The following CACNA1A variants were observed in gnomAD, a reference collection of about 807,000 sequenced individuals.
CACNA1A encodes calcium voltage-gated channel subunit alpha1 A.
Under a neutral mutation model 262.4 loss-of-function variants are expected in CACNA1A, and 57 were observed. That is an observed-to-expected ratio of 0.22 (90% CI 0.18 to 0.27). The LOEUF is 0.27. Ranked by LOEUF, CACNA1A falls within the 10% of genes least tolerant of loss-of-function variation. The probability of loss-of-function intolerance (pLI) is 1.00; values close to 1 mark genes in which losing one functional copy is unlikely to be tolerated. For missense variants in CACNA1A, 2,526 were observed against 3,562.8 expected (o/e 0.71, Z 7.41); for synonymous variants, 1,431 against 1,419.3 (o/e 1.01, Z -0.18).
intron 7 of CACNA1A, among the ~76,000 whole-genome samples, chr19:13,334,783 C>T (rs539405356): frequency 5.9e-5 from 9 of 152,036 alleles, no homozygotes; most frequent in Admixed American, 1.3e-4. Flanking sequence ...GTCTGTAATC[C>T]CAGCACTTTG....
chr19:13,447,511 T>C (rs2060837872), intron 3 of CACNA1A, among the ~76,000 whole-genome samples: 1 of 152,170 alleles, frequency 6.6e-6, no homozygotes, highest in African/African-American at 2.4e-5. Context: ...ACTAACAGGA[T>C]AGATGTATAT....
chr19:13,457,613 G>T (rs2061037492), intron 1 of CACNA1A, among the ~76,000 whole-genome samples: 1 of 152,200 alleles, frequency 6.6e-6, no homozygotes, highest in South Asian at 2.1e-4. Context: ...CACTTTGGAA[G>T]GCCGAGGCAG....
At chr19:13,310,867 T>G (rs1005896547) in intron 12 of CACNA1A, among the ~76,000 whole-genome samples, 4 of 151,926 alleles carry the variant, frequency 2.6e-5, no homozygotes, top group Non-Finnish European at 5.9e-5. Context: ...CTCAGCTTAC[T>G]GCAACCTCTG....
intron 1 of CACNA1A, among the ~76,000 whole-genome samples, chr19:13,467,784 T>C (rs1295366239): frequency 2.0e-5 from 3 of 151,906 alleles, no homozygotes; most frequent in Non-Finnish European, 4.4e-5. Flanking sequence ...TTTTTATTTT[T>C]AGTGAGGATA....
At chr19:13,343,224 T>C (rs2058706144) in intron 6 of CACNA1A, among the ~76,000 whole-genome samples, 1 of 151,916 alleles carries the variant, frequency 6.6e-6, no homozygotes, top group African/African-American at 2.4e-5. Context: ...TGGGTCCAAG[T>C]GATTCTCTGC....
intron 27 of CACNA1A, chr19:13,258,847 T>G (rs2056642589): frequency 6.6e-6 from 1 of 152,146 alleles, no homozygotes; most frequent in South Asian, 2.1e-4. Context: ...ACTGAAAATC[T>G]CAGTAATCAA....
At chr19:13,342,517 C>T (rs2058692620) in intron 6 of CACNA1A, among the ~76,000 whole-genome samples, 1 of 152,176 alleles carries the variant, frequency 6.6e-6, no homozygotes, top group Admixed American at 6.5e-5. Flanking sequence ...ACTTCCACTG[C>T]CTGGAACACT....
chr19:13,411,325 T>C (rs893886234), intron 3 of CACNA1A, among the ~76,000 whole-genome samples: 27 of 152,152 alleles, frequency 1.8e-4, no homozygotes, highest in African/African-American at 6.0e-4. Context: ...AAATCTCAAC[T>C]TGAATTGTAA....
intron 28 of CACNA1A, among the ~76,000 whole-genome samples, chr19:13,255,752 C>CG (rs2144739581): frequency 8.5e-6 from 1 of 118,182 alleles, no homozygotes; most frequent in East Asian, 3.9e-4. Context: ...TCCCTCCCTC[C>CG]TTCCCTCCCT....
In CACNA1A at chr19:13,207,310, G is replaced by T; in HGVS notation, c.*3C>A. 6.4e-7 allele frequency: 1 copy of T among 1,554,656 alleles called. No individual in the cohort carries two copies. Among genetic ancestry groups the T allele is most frequent in the Non-Finnish European group, 8.6e-7 (1 of 1,157,714 alleles). On this transcript the variant is annotated 3_prime_UTR_variant, in exon 47 of 47. Coordinates refer to ENST00000360228, the MANE Select transcript of CACNA1A (RefSeq NM_001127222.2). This position sits in a 1 kb window ranked among gnomAD's most constrained non-coding sequence, Gnocchi z 5.7. ...GGCCGGGCGGGCGCCACCTCGCCCG[G>T]GCTTAGCACCAATCATCGTCACTCT...
chr19:13,455,813 T>C lies in CACNA1A; in HGVS notation c.294-601A>G, dbSNP rs1327797492. 3.4e-5 allele frequency among the ~76,000 whole-genome samples: 5 copies of C among 146,280 alleles called. 1 individual carries two copies. Among genetic ancestry groups the C allele is most frequent in the Non-Finnish European group, 5.9e-5 (4 of 67,324 alleles). The stretch of plus-strand genomic sequence containing the variant: ...TGAGCCGAGGAGGTAGAGGCTGCAG[T>C]GTACAATGACTATACCACTGCACTC... On this transcript the variant is annotated intron_variant, in intron 1 of 46. Coordinates refer to ENST00000360228, the MANE Select transcript of CACNA1A (RefSeq NM_001127222.2).
intron 1 of CACNA1A, among the ~76,000 whole-genome samples, chr19:13,476,281 T>TA (rs370719123): frequency 8.0e-4 from 122 of 152,204 alleles, no homozygotes; most frequent in Middle Eastern, 3.4e-3. Flanking sequence ...AGACTGGAAG[T>TA]AAGAAGGGAT....
At chr19:13,467,607 CTTT>C (rs57816533) in intron 1 of CACNA1A, among the ~76,000 whole-genome samples, 1 of 142,952 alleles carries the variant, frequency 7.0e-6, no homozygotes, top group African/African-American at 2.6e-5. Flanking sequence ...TTTTTCTTTT[CTTT>C]TTTTTTTTTT....
In CACNA1A at chr19:13,377,526, C is replaced by A. The variant is rs552447482; in HGVS notation, c.540-5747G>T. 7.3e-5 allele frequency among the ~76,000 whole-genome samples: 11 copies of A among 150,418 alleles called. 1 individual carries two copies. The highest frequency in any genetic ancestry group is 2.5e-4 in the African/African-American group (10 of 40,720). On this transcript the variant is annotated intron_variant, in intron 3 of 46. Coordinates refer to ENST00000360228, the MANE Select transcript of CACNA1A (RefSeq NM_001127222.2). ...TACAGTCATACGCCACCATGCCCAG[C>A]TAATTTTTGTATTTTTAGTAGTGAT...
intron 3 of CACNA1A, among the ~76,000 whole-genome samples, chr19:13,421,759 T>G (rs2060319894): frequency 1.3e-5 from 2 of 152,156 alleles, no homozygotes; most frequent in Admixed American, 1.3e-4. Flanking sequence ...CCTCCAGAAC[T>G]GTGGAAAATA....
chr19:13,376,867 G>GAT (rs574203811), intron 3 of CACNA1A, among the ~76,000 whole-genome samples: 2,789 of 142,242 alleles, frequency 0.02, 50 homozygotes, highest in African/African-American at 0.052. Flanking sequence ...TGTTATATGT[G>GAT]ATATATATAA....
intron 3 of CACNA1A, among the ~76,000 whole-genome samples, chr19:13,434,242 G>A (rs1002829439): frequency 3.9e-5 from 6 of 151,976 alleles, no homozygotes; most frequent in African/African-American, 7.3e-5. Context: ...CTGCAGCCTC[G>A]ACCTCCTGGG....
At position 13,287,376 on chromosome 19, in the gene CACNA1A, G is replaced by A. The variant is rs1251316111; in HGVS notation, c.3090-410C>T. On this transcript the variant is annotated intron_variant, in intron 19 of 46. Transcript: ENST00000360228. ...CAAAAAAACAAAAAAGAAAAGGAAA[G>A]GGTACAGTTTGGTCATGGAGAAGTC... is the stretch of plus-strand genomic sequence containing the variant. 1.3e-5 allele frequency among the ~76,000 whole-genome samples: 2 copies of A among 151,920 alleles called. 1 individual carries two copies. Among genetic ancestry groups the A allele is most frequent in the Admixed American group, 1.3e-4 (2 of 15,240 alleles).
intron 3 of CACNA1A, among the ~76,000 whole-genome samples, chr19:13,394,687 G>A (rs7260288): frequency 0.011 from 1,666 of 152,252 alleles, 31 homozygotes; most frequent in African/African-American, 0.038. Flanking sequence ...TGTGGGAGGT[G>A]GGCGCCTATA....
Sources: gnomAD v4.1 joint callset for allele counts (sites outside exome capture counted in the v4.1 genomes callset) on GRCh38, gnomAD v4.1.1 for gene constraint, Gnocchi (gnomAD v3.1) non-coding constraint, MANE v1.5 for transcripts, NCBI Gene and HGNC (gene_info 2026-07-23, HGNC 2026-07-21) for gene names.